Variants in GPC1 observed in about 807,000 individuals in gnomAD.
GPC1 encodes the protein glypican-1.
In GPC1, 26 loss-of-function variants were observed where a neutral mutation model predicts 51.5. That is an observed-to-expected ratio of 0.50 (90% confidence interval 0.37 to 0.70). The LOEUF (loss-of-function observed/expected upper bound fraction) is 0.70, where lower values mean the gene tolerates loss of function less well. Ranked by LOEUF, GPC1 falls within the 30% of genes least tolerant of loss-of-function variation. The probability of loss-of-function intolerance (pLI) is 0.00; values close to 1 mark genes in which losing one functional copy is unlikely to be tolerated. For missense variants in GPC1, 775 were observed against 800.5 expected (o/e 0.97, Z 0.38); for synonymous variants, 380 against 348.3 (o/e 1.09, Z -1.01).
In GPC1 at chr2:240,463,482, G is replaced by C. The variant is rs771573745; in HGVS notation, c.853G>C (p.Asp285His). 2 of 1,612,962 alleles carry C rather than the reference G, an allele frequency of 1.2e-6. No individual in the cohort carries two copies. Among genetic ancestry groups the C allele is most frequent in the Non-Finnish European group, 1.7e-6 (2 of 1,179,956 alleles). The change falls in exon 4 of 9, where the codon GAC becomes CAC. Residue 285 changes from aspartate to histidine, a missense_variant. Coordinates refer to ENST00000264039, the MANE Select transcript of GPC1 (RefSeq NM_002081.3). ...CAAGGGCTGCCTTGCCAACCAGGCCGACCTGGACGCCGAGTGGAGGAACCT... is the reference window on the plus strand; with the variant it reads ...CAAGGGCTGCCTTGCCAACCAGGCCCACCTGGACGCCGAGTGGAGGAACCT... ...VLKGCLANQADLDAEWRNLLD... is the reference protein window; with the variant it reads ...VLKGCLANQAHLDAEWRNLLD...
chr2:240,463,229 GCAGAGGCCTCCCCTGACTTCCCTC>G (rs1187452418), intron 3 of GPC1, 94 bp from the exon 4 acceptor site: 74 of 816,652 alleles, frequency 9.1e-5, no homozygotes, highest in Non-Finnish European at 1.4e-4. Context: ...CTGGGGCAGA[GCAGAGGCCTCCCCTGACTTCCCTC>G]CAGAGCCCCC....
At chr2:240,460,298 T>C (rs1017531384) in intron 2 of GPC1, among the ~76,000 whole-genome samples, 6 of 152,010 alleles carry the variant, frequency 3.9e-5, no homozygotes, top group African/African-American at 1.5e-4. Context: ...CCTCTGGGAC[T>C]CTCCTTCCTC....
rs759827573 is a variant in GPC1, at chr2:240,463,416, C to G, written c.787C>G (p.Pro263Ala). The G allele has an allele frequency of 1.2e-6, 2 of 1,612,528 alleles. No homozygotes were observed. Among genetic ancestry groups the G allele is most frequent in the Non-Finnish European group, 1.7e-6 (2 of 1,179,666 alleles). ...CTACTGTGCTCACTGCCTGGGAGTC[C>G]CCGGCGCCAGGCCCTGCCCTGACTA... ...LVYCAHCLGV[P>A]GARPCPDYCR... is the part of the protein sequence containing the mutation. Residue 263 changes from proline (P) to alanine (A), a missense_variant, in exon 4 of 9, where the codon CCC (proline) becomes GCC (alanine). Pro to Ala is a conservative substitution (Grantham distance 27). Transcript: ENST00000264039.
chr2:240,435,774 G>T lies in GPC1; in HGVS notation c.-145G>T. On this transcript the variant is annotated 5_prime_UTR_variant, in exon 1 of 9. Coordinates refer to ENST00000264039, the MANE Select transcript of GPC1 (RefSeq NM_002081.3). ...GCCGCCGCCGGCTTTTGTTGTCTCC[G>T]CCTCCTCGGCCGCCGCCGCCTCTGG... The T allele has an allele frequency of 2.3e-6, 1 of 428,636 alleles. No homozygotes were observed. Among genetic ancestry groups the T allele is most frequent in the Admixed American group, 4.9e-5 (1 of 20,226 alleles). The allele number at this position is 428,636 out of a possible 1,614,324, so 26.6% of individuals were successfully genotyped here.
At chr2:240,452,750 C>T (rs2074111753) in intron 1 of GPC1, 1 of 149,662 alleles carries the variant, frequency 6.7e-6, no homozygotes, top group Non-Finnish European at 1.5e-5. Context: ...CCGAGCGCGG[C>T]GGGGCGGGGG....
Position 240,435,733 on chromosome 2 carries a change from C to CCT in GPC1, c.-186_-185insCT. The CCT allele has an allele frequency of 3.7e-6, 1 of 272,700 alleles. No individual in the cohort carries two copies. Among genetic ancestry groups the CCT allele is most frequent in the Non-Finnish European group, 6.6e-6 (1 of 151,302 alleles). The allele number at this position is 272,700 out of a possible 1,614,324, so 16.9% of individuals were successfully genotyped here. ...GCGAGCGTTCGGACCTCGCACCCCG[C>CCT]GCGCCCCGCGCCGCCGCCGCCGCCG... is the stretch of plus-strand genomic sequence containing the variant. On this transcript the variant is annotated 5_prime_UTR_variant, in exon 1 of 9. Transcript: ENST00000264039.
At chr2:240,450,503 G>C in intron 1 of GPC1, 1 of 440,524 alleles carries the variant, frequency 2.3e-6, no homozygotes, top group South Asian at 1.6e-5. Context: ...GGGACCTACA[G>C]CTGCTGTGAA....
intron 1 of GPC1, chr2:240,450,019 G>A (rs759040566): frequency 3.4e-5 from 14 of 411,802 alleles, no homozygotes; most frequent in Non-Finnish European, 6.0e-5. Context: ...GGGTGTATGA[G>A]GAGCTGTTCC....
chr2:240,460,575 TA>T (rs1312545336), intron 2 of GPC1, among the ~76,000 whole-genome samples: 2 of 152,146 alleles, frequency 1.3e-5, no homozygotes, highest in Non-Finnish European at 2.9e-5. Context: ...TCCTGGCTCT[TA>T]GGGGGTTGGT....
At chr2:240,450,695 C>T (rs748309965) in intron 1 of GPC1, 18 of 468,822 alleles carry the variant, frequency 3.8e-5, no homozygotes, top group Non-Finnish European at 7.1e-5. Flanking sequence ...GGGGGTGTGG[C>T]TCGTGGGCCA....
intron 1 of GPC1, among the ~76,000 whole-genome samples, chr2:240,444,189 C>T (rs534210184): frequency 6.6e-6 from 1 of 152,288 alleles, no homozygotes; most frequent in East Asian, 1.9e-4. Context: ...GCCGCCACGC[C>T]CGGTGGGTCT....
In GPC1 at chr2:240,442,928, G is replaced by A. The variant is rs575964674; in HGVS notation, c.166+6844G>A. Among the ~76,000 whole-genome samples, 4 of 152,320 alleles carry A rather than the reference G, an allele frequency of 2.6e-5. No individual in the cohort carries two copies. The South Asian group carries it at 6.2e-4, about 24-fold the overall frequency. On this transcript the variant is annotated intron_variant, in intron 1 of 8. Transcript: ENST00000264039. ...ACGCCCCAGCCTGCCACTCACCCCC[G>A]TCCACCTGAGGCGCTCTCTGGGCAC...
At chr2:240,456,310 C>T (rs2074163034) in intron 1 of GPC1, among the ~76,000 whole-genome samples, 2 of 151,946 alleles carry the variant, frequency 1.3e-5, no homozygotes, top group South Asian at 4.1e-4. Flanking sequence ...CCTCTCCCGT[C>T]TGCGTGGTGG....
At chr2:240,455,173 A>C (rs759267573) in intron 1 of GPC1, among the ~76,000 whole-genome samples, 3 of 152,090 alleles carry the variant, frequency 2.0e-5, no homozygotes, top group Non-Finnish European at 2.9e-5. Context: ...GAGGAGCAGG[A>C]GCCTGGGAAC....
In GPC1 at chr2:240,467,341, A is replaced by G. The variant is rs145114402; in HGVS notation, c.*1051A>G. The G allele has an allele frequency of 6.6e-6, 1 of 152,390 alleles. No individual in the cohort carries two copies. Among genetic ancestry groups the G allele is most frequent in the East Asian group, 1.9e-4 (1 of 5,184 alleles). The allele number at this position is 152,390 out of a possible 1,614,324, so 9.4% of individuals were successfully genotyped here. A position where few individuals can be genotyped will look rare whatever the true frequency, so the allele number is the denominator to read the frequency against. The stretch of plus-strand genomic sequence containing the variant: ...CCAGCTGCAGGGCACGGGGACCTGG[A>G]TAGTTAAGGGCTTTTCCAAACATGC... On this transcript the variant is annotated 3_prime_UTR_variant, in exon 9 of 9. Coordinates refer to ENST00000264039, the MANE Select transcript of GPC1 (RefSeq NM_002081.3).
chr2:240,438,320 G>A (rs2073996612), intron 1 of GPC1, among the ~76,000 whole-genome samples: 1 of 152,208 alleles, frequency 6.6e-6, no homozygotes, highest in Non-Finnish European at 1.5e-5. Flanking sequence ...GACAGTGTGG[G>A]AGCCACGTGG....
rs929101548 is a variant in GPC1 at position 240,455,544 on chromosome 2, G to A, written c.167-3486G>A. 1.0e-3 allele frequency among the ~76,000 whole-genome samples: 154 copies of A among 152,336 alleles called. 2 individuals are homozygous for A. The highest frequency in any genetic ancestry group is 3.4e-3 in the African/African-American group (142 of 41,578). ...TCCCTCTGGGTTGGAGGAGGAGAAA[G>A]GCCAGGAAGGAGAGGGAGAGGGACA... On this transcript the variant is annotated intron_variant, in intron 1 of 8. Transcript: ENST00000264039.
chr2:240,446,917 C>T (rs1041729592), intron 1 of GPC1, among the ~76,000 whole-genome samples: 5 of 152,152 alleles, frequency 3.3e-5, no homozygotes, highest in Non-Finnish European at 7.4e-5. Context: ...TGGAGCTGCA[C>T]GGCTGGCATC....
chr2:240,450,315 C>T (rs1290127430), intron 1 of GPC1: 1 of 335,424 alleles, frequency 3.0e-6, no homozygotes, highest in East Asian at 8.2e-5. Context: ...TTGTCAGCTC[C>T]TGCTTCAGCC....
Sources: allele counts gnomAD v4.1 joint callset (sites outside exome capture counted in the v4.1 genomes callset), GRCh38; gene constraint gnomAD v4.1.1; transcripts MANE v1.5; gene names NCBI Gene and HGNC (gene_info 2026-07-23, HGNC 2026-07-21).